The following ST6GALNAC3 variants were observed in gnomAD, a reference collection of about 807,000 sequenced individuals.
The protein encoded by ST6GALNAC3 is alpha-N-acetylgalactosaminide alpha-2,6-sialyltransferase 3.
A neutral mutation model predicts 32.7 loss-of-function variants in ST6GALNAC3; 25 were observed. The observed-to-expected ratio is 0.76, with a 90% CI of 0.56 to 1.07. The LOEUF (loss-of-function observed/expected upper bound fraction) is 1.07. Ranked by LOEUF, ST6GALNAC3 falls within the 50% of genes least tolerant of loss-of-function variation. The pLI is 0.00. For missense variants in ST6GALNAC3, 355 were observed against 382.4 expected (o/e 0.93, Z 0.60); for synonymous variants, 129 against 133.1 (o/e 0.97, Z 0.21).
At chr1:76,557,257 G>A (rs534798080) in intron 3 of ST6GALNAC3, among the ~76,000 whole-genome samples, 26 of 151,918 alleles carry the variant, frequency 1.7e-4, no homozygotes, top group Admixed American at 3.3e-4. Flanking sequence ...CTTCCACTGC[G>A]TGCAGTTTTG....
chr1:76,540,442 G>A (rs1356925539), intron 3 of ST6GALNAC3, among the ~76,000 whole-genome samples: 2 of 151,960 alleles, frequency 1.3e-5, no homozygotes, highest in Non-Finnish European at 2.9e-5. Context: ...ATGTAACAAG[G>A]CTGCATCTTC....
chr1:76,411,863 G>A (rs1030608322), intron 2 of ST6GALNAC3, 145 bp from the exon 3 acceptor site: 13 of 767,846 alleles, frequency 1.7e-5, no homozygotes, highest in South Asian at 9.3e-5. Flanking sequence ...CTGTGGCAGC[G>A]ACTGTAGGTT....
chr1:76,546,668 C>G (rs1664316449), intron 3 of ST6GALNAC3, among the ~76,000 whole-genome samples: 2 of 152,126 alleles, frequency 1.3e-5, no homozygotes, highest in African/African-American at 4.8e-5. Context: ...GAAGCAGATG[C>G]CAGATCTCAG....
intron 3 of ST6GALNAC3, among the ~76,000 whole-genome samples, chr1:76,459,542 C>T (rs899301283): frequency 3.4e-5 from 5 of 146,472 alleles, no homozygotes; most frequent in African/African-American, 5.1e-5. Flanking sequence ...CCAGCCTGGG[C>T]GACAGAGCAA....
chr1:76,096,264 A>G (rs1647129726), intron 1 of ST6GALNAC3, among the ~76,000 whole-genome samples: 1 of 152,220 alleles, frequency 6.6e-6, no homozygotes, highest in African/African-American at 2.4e-5. Flanking sequence ...GAGCTTAAAC[A>G]CAAACTTCTG....
chr1:76,105,069 A>G (rs372483546), intron 1 of ST6GALNAC3, among the ~76,000 whole-genome samples: 2 of 152,220 alleles, frequency 1.3e-5, no homozygotes, highest in Non-Finnish European at 2.9e-5. Flanking sequence ...GTGAGTCATT[A>G]TCAGAAGCAG....
chr1:76,095,038 G>A (rs950504063), intron 1 of ST6GALNAC3, among the ~76,000 whole-genome samples: 2 of 151,988 alleles, frequency 1.3e-5, no homozygotes, highest in Non-Finnish European at 1.5e-5. Flanking sequence ...TAGGTGATAC[G>A]ATATGTACAC....
chr1:76,548,304 G>A (rs1016918890), intron 3 of ST6GALNAC3, among the ~76,000 whole-genome samples: 5 of 152,134 alleles, frequency 3.3e-5, no homozygotes, highest in South Asian at 2.1e-4. Flanking sequence ...CTGCAAATAA[G>A]AGGAAACTGT....
intron 3 of ST6GALNAC3, among the ~76,000 whole-genome samples, chr1:76,445,108 T>G (rs1345717313): frequency 1.3e-5 from 2 of 152,180 alleles, no homozygotes; most frequent in Non-Finnish European, 2.9e-5. Flanking sequence ...GTCAGTAGTT[T>G]TATGACTTTG....
At chr1:76,418,499 A>C (rs1431998628) in intron 3 of ST6GALNAC3, among the ~76,000 whole-genome samples, 1 of 152,166 alleles carries the variant, frequency 6.6e-6, no homozygotes, top group Non-Finnish European at 1.5e-5. Context: ...TAGATTCCAC[A>C]AACAAAGATG....
chr1:76,502,195 A>C (rs1661217193), intron 3 of ST6GALNAC3, among the ~76,000 whole-genome samples: 1 of 152,196 alleles, frequency 6.6e-6, no homozygotes, highest in South Asian at 2.1e-4. Context: ...AGATCAAGGG[A>C]TCTCTTCCTG....
chr1:76,526,744 C>CA (rs1662934763), intron 3 of ST6GALNAC3, among the ~76,000 whole-genome samples: 1 of 152,062 alleles, frequency 6.6e-6, no homozygotes, highest in Non-Finnish European at 1.5e-5. Context: ...ACATCACTTG[C>CA]AATTTAAACG....
At chr1:76,488,834 C>T (rs1459250424) in intron 3 of ST6GALNAC3, among the ~76,000 whole-genome samples, 1 of 152,160 alleles carries the variant, frequency 6.6e-6, no homozygotes, top group Non-Finnish European at 1.5e-5. Context: ...TGCTATTTTC[C>T]AAGCCTGTGT....
rs1156508478 is a variant in ST6GALNAC3, at chr1:76,634,245, C to T, written c.*5439C>T. On this transcript the variant is annotated 3_prime_UTR_variant, in exon 5 of 5. Coordinates refer to ENST00000328299, the MANE Select transcript of ST6GALNAC3 (RefSeq NM_152996.4). ...GTCAACTACCAAGTTCACATATTTG[C>T]CTATGAAGTGAGAGCTATTTCTAAG... 4.8e-6 allele frequency: 4 copies of T among 830,658 alleles called. No individual in the cohort carries two copies. In the East Asian group the frequency reaches 5.0e-4, roughly 103 times the overall value. 51.5% of individuals were successfully genotyped at this position (830,658 alleles called of 1,614,324 possible).
chr1:76,623,226 T>C (rs949133940), intron 3 of ST6GALNAC3, among the ~76,000 whole-genome samples: 1 of 151,958 alleles, frequency 6.6e-6, no homozygotes, highest in Non-Finnish European at 1.5e-5. Context: ...CGGCATCATT[T>C]TCCCAAGAGA....
intron 3 of ST6GALNAC3, among the ~76,000 whole-genome samples, chr1:76,446,797 T>C (rs745326842): frequency 9.2e-5 from 14 of 152,188 alleles, no homozygotes; most frequent in Middle Eastern, 3.2e-3. Flanking sequence ...TAAGCCTTGA[T>C]TTGCTCCTCC....
chr1:76,233,978 T>C (rs1272417344), intron 1 of ST6GALNAC3, among the ~76,000 whole-genome samples: 1 of 152,152 alleles, frequency 6.6e-6, no homozygotes. Context: ...GGGACGATAA[T>C]GAAAACATTT....
At chr1:76,380,697 C>G (rs975210280) in intron 2 of ST6GALNAC3, among the ~76,000 whole-genome samples, 1 of 152,008 alleles carries the variant, frequency 6.6e-6, no homozygotes. Context: ...ATCAGATGAC[C>G]TGGATGACAA....
intron 1 of ST6GALNAC3, among the ~76,000 whole-genome samples, chr1:76,182,149 A>C (rs1295213860): frequency 6.6e-6 from 1 of 152,158 alleles, no homozygotes; most frequent in Non-Finnish European, 1.5e-5. Flanking sequence ...TTTTTACTAT[A>C]CTGAGCTATA....
Sources: gnomAD v4.1 joint callset for allele counts (sites outside exome capture counted in the v4.1 genomes callset) on GRCh38, gnomAD v4.1.1 for gene constraint, MANE v1.5 for transcripts, NCBI Gene and HGNC (gene_info 2026-07-23, HGNC 2026-07-21) for gene names.